The following TMOD1 variants were observed in gnomAD, a reference collection of about 807,000 sequenced individuals.
TMOD1 encodes the protein tropomodulin-1.
Under a neutral mutation model 40.6 loss-of-function variants are expected in TMOD1, and 17 were observed. The observed-to-expected ratio is 0.42, with a 90% CI of 0.29 to 0.63. The LOEUF is 0.63. Ranked by LOEUF, TMOD1 falls within the 20% of genes least tolerant of loss-of-function variation. The pLI is 0.22. For missense variants in TMOD1, 391 were observed against 447.6 expected, an observed-to-expected ratio of 0.87 and a Z score of 1.14; for synonymous variants, 181 against 175.0, an observed-to-expected ratio of 1.03 and a Z score of -0.27.
intron 4 of TMOD1, among the ~76,000 whole-genome samples, chr9:97,560,000 G>A (rs927558706): frequency 1.3e-5 from 2 of 151,264 alleles, no homozygotes; most frequent in African/African-American, 4.9e-5. Context: ...AGCCTAGACA[G>A]GGGAGGAGAA....
chr9:97,547,920 G>C (rs188535236), intron 3 of TMOD1, among the ~76,000 whole-genome samples: 26 of 152,354 alleles, frequency 1.7e-4, no homozygotes, highest in Admixed American at 9.1e-4. Flanking sequence ...GGTGAGTAGA[G>C]AGTTGTTGGA....
In TMOD1 at chr9:97,557,503, A is replaced by G. The variant is rs1489662251; in HGVS notation, c.397+4103A>G. ...TGGGGGTCTTGCAGCTATCAGAGAC[A>G]GGCTTAGCCAGGCCACCCCCTGGCT... On this transcript the variant is annotated intron_variant, in intron 4 of 9. Coordinates refer to ENST00000259365, the MANE Select transcript of TMOD1 (RefSeq NM_003275.4). This position sits in a 1 kb window ranked among gnomAD's most constrained non-coding sequence, Gnocchi z 4.4. Among the ~76,000 whole-genome samples, 3 of 152,194 alleles carry G rather than the reference A, an allele frequency of 2.0e-5. No homozygotes were observed. Among genetic ancestry groups the G allele is most frequent in the Non-Finnish European group, 4.4e-5 (3 of 68,024 alleles).
intron 2 of TMOD1, among the ~76,000 whole-genome samples, chr9:97,526,063 C>T (rs1281083414): frequency 1.3e-5 from 2 of 152,200 alleles, no homozygotes; most frequent in African/African-American, 4.8e-5. Context: ...AGAGCATATA[C>T]AGCCTTCTGG....
chr9:97,577,580 G>C (rs1292076666), intron 8 of TMOD1, among the ~76,000 whole-genome samples: 1 of 152,096 alleles, frequency 6.6e-6, no homozygotes, highest in Non-Finnish European at 1.5e-5. Flanking sequence ...TTGAGGTCAG[G>C]AGTTCAAGAC....
intron 9 of TMOD1, among the ~76,000 whole-genome samples, chr9:97,596,456 C>G (rs1826113346): frequency 6.6e-6 from 1 of 152,200 alleles, no homozygotes; most frequent in Non-Finnish European, 1.5e-5. Context: ...CTGAATACTT[C>G]CCATCTCACT....
chr9:97,501,554 G>T (rs1276308353), upstream of TMOD1: 1 of 150,606 alleles, frequency 6.6e-6, no homozygotes, highest in African/African-American at 2.4e-5. Context: ...TGGAGGGGGG[G>T]GGAAGGAGGG....
intron 8 of TMOD1, among the ~76,000 whole-genome samples, chr9:97,587,913 A>G (rs1474333874): frequency 6.6e-6 from 1 of 152,194 alleles, no homozygotes; most frequent in Non-Finnish European, 1.5e-5. Context: ...TTCGTGTTGT[A>G]TAATAGCACA....
intron 3 of TMOD1, among the ~76,000 whole-genome samples, chr9:97,548,334 G>A (rs565293818): frequency 1.7e-4 from 26 of 152,238 alleles, no homozygotes; most frequent in Admixed American, 5.9e-4. Context: ...TCCAAATCCT[G>A]GACTTGGAGC....
chr9:97,568,722 G>A (rs1344220381), intron 7 of TMOD1, among the ~76,000 whole-genome samples, 172 bp from the exon 8 acceptor site: 1 of 152,186 alleles, frequency 6.6e-6, no homozygotes. Context: ...TGGGGGATCA[G>A]GAGCCATGGC....
intron 2 of TMOD1, among the ~76,000 whole-genome samples, chr9:97,535,792 G>A (rs72751517): frequency 2.0e-5 from 3 of 152,360 alleles, no homozygotes; most frequent in Admixed American, 6.5e-5. Flanking sequence ...GCCTTTGGAC[G>A]TCGGCATTAA....
intron 1 of TMOD1, among the ~76,000 whole-genome samples, chr9:97,519,079 G>A (rs187006818): frequency 2.0e-5 from 3 of 152,348 alleles, no homozygotes; most frequent in African/African-American, 4.8e-5. Flanking sequence ...AGATGATGCC[G>A]CGTAAGTGCC....
At chr9:97,526,187 T>C (rs1023706136) in intron 2 of TMOD1, among the ~76,000 whole-genome samples, 4 of 152,194 alleles carry the variant, frequency 2.6e-5, no homozygotes, top group Non-Finnish European at 5.9e-5. Flanking sequence ...GTGGAGAACA[T>C]GTGTCATGGA....
chr9:97,541,676 C>T (rs1042398366), intron 2 of TMOD1, among the ~76,000 whole-genome samples: 3 of 151,604 alleles, frequency 2.0e-5, no homozygotes, highest in African/African-American at 4.8e-5. Context: ...CCACCACGCC[C>T]GGCTAATTTT....
chr9:97,576,443 GAC>G lies in TMOD1; in HGVS notation c.870+7410_870+7411del, dbSNP rs1242638406. On this transcript the variant is annotated intron_variant, in intron 8 of 9. Coordinates refer to ENST00000259365, the MANE Select transcript of TMOD1 (RefSeq NM_003275.4). Reference sequence around the variant, plus strand: ...CACTCTAGCCTGGGCAACAGAGTGAGACACAGTCTCCAAAAAAATAAATAAAT... The same window carrying G: ...CACTCTAGCCTGGGCAACAGAGTGAGACAGTCTCCAAAAAAATAAATAAAT... Among the ~76,000 whole-genome samples the G allele has an allele frequency of 5.3e-5, 8 of 152,072 alleles. No homozygotes were observed. In the East Asian group the frequency reaches 1.5e-3, roughly 29 times the overall value.
chr9:97,524,537 T>TGTGG (rs1564231775), intron 2 of TMOD1, among the ~76,000 whole-genome samples: 1 of 146,948 alleles, frequency 6.8e-6, no homozygotes, highest in Non-Finnish European at 1.5e-5. Context: ...TGTGTGTGTG[T>TGTGG]CGAGACAGAG....
At chr9:97,565,481 C>T (rs1830712707) in intron 6 of TMOD1, among the ~76,000 whole-genome samples, 1 of 152,056 alleles carries the variant, frequency 6.6e-6, no homozygotes, top group South Asian at 2.1e-4. Context: ...ACAGAGACAC[C>T]TAGCAAGTCA....
intron 2 of TMOD1, among the ~76,000 whole-genome samples, chr9:97,543,281 T>G (rs1420368106): frequency 6.6e-6 from 1 of 152,264 alleles, no homozygotes; most frequent in Non-Finnish European, 1.5e-5. Flanking sequence ...AGCACTTGCT[T>G]TCACTGCTTA....
At chr9:97,568,383 C>T (rs1368076202) in intron 7 of TMOD1, among the ~76,000 whole-genome samples, 1 of 152,154 alleles carries the variant, frequency 6.6e-6, no homozygotes, top group Non-Finnish European at 1.5e-5. Context: ...ATCCAAGGTC[C>T]ACAATGAGGG....
chr9:97,590,573 G>A (rs1214260930), intron 8 of TMOD1, among the ~76,000 whole-genome samples: 2 of 151,278 alleles, frequency 1.3e-5, no homozygotes, highest in African/African-American at 4.9e-5. Flanking sequence ...AACTGAGACT[G>A]TGATGAACAT....
Sources: gnomAD v4.1 joint callset for allele counts (sites outside exome capture counted in the v4.1 genomes callset) on GRCh38, gnomAD v4.1.1 for gene constraint, Gnocchi (gnomAD v3.1) non-coding constraint, MANE v1.5 for transcripts, NCBI Gene and HGNC (gene_info 2026-07-23, HGNC 2026-07-21) for gene names.